The following EPHB1 variants were observed in gnomAD, a reference collection of about 807,000 sequenced individuals.
EPHB1 encodes ephrin type-B receptor 1.
In EPHB1, 30 loss-of-function variants were observed where a neutral mutation model predicts 94.4. That is an observed-to-expected ratio of 0.32 (90% CI 0.24 to 0.43). EPHB1 has a LOEUF of 0.43. Among genes scored for constraint, EPHB1 ranks in the 20% least tolerant of loss-of-function variants. EPHB1 has a pLI of 1.00. For synonymous variants in EPHB1, 522 were observed against 489.1 expected, an observed-to-expected ratio of 1.07 and a Z score of -0.89; for missense variants, 1,055 against 1,308.3, an observed-to-expected ratio of 0.81 and a Z score of 2.99.
chr3:135,173,528 G>T (rs1184454391), intron 9 of EPHB1, among the ~76,000 whole-genome samples: 3 of 152,162 alleles, frequency 2.0e-5, no homozygotes, highest in African/African-American at 7.2e-5. Flanking sequence ...CCTGTCCTGG[G>T]TTCTTCCTCA....
Position 135,259,228 on chromosome 3 carries a change from G to C in EPHB1, c.*108G>C. The C allele has an allele frequency of 3.6e-6, 3 of 823,350 alleles. No homozygotes were observed. The highest frequency in any genetic ancestry group is 5.8e-6 in the Non-Finnish European group (3 of 520,892). The allele number at this position is 823,350 out of a possible 1,614,324, so 51.0% of individuals were successfully genotyped here. A position where few individuals can be genotyped will look rare whatever the true frequency, so the allele number is the denominator to read the frequency against. ...TGGAGAGACTGGCTTCTCAGCTGAG[G>C]AATGCATTTCCATCAGTGAAGAATC... is the stretch of plus-strand genomic sequence containing the variant. On this transcript the variant is annotated 3_prime_UTR_variant, in exon 16 of 16. Coordinates refer to ENST00000398015, the MANE Select transcript of EPHB1 (RefSeq NM_004441.5).
chr3:134,814,460 A>C (rs6793917), intron 1 of EPHB1, among the ~76,000 whole-genome samples: 92,821 of 151,990 alleles, frequency 0.61, 30,420 homozygotes, highest in East Asian at 0.78. Flanking sequence ...TCGGTGATGT[A>C]GGAGGTCAGG....
intron 13 of EPHB1, among the ~76,000 whole-genome samples, chr3:135,243,074 C>CA (rs397933477): frequency 0.15 from 14,841 of 98,084 alleles, 1,260 homozygotes; most frequent in Non-Finnish European, 0.21. Flanking sequence ...GACCCTGTCT[C>CA]AAAAAAAAAA....
chr3:135,127,480 A>G (rs200589793), intron 4 of EPHB1, among the ~76,000 whole-genome samples: 1 of 152,032 alleles, frequency 6.6e-6, no homozygotes, highest in East Asian at 1.9e-4. Context: ...CAGGACACAG[A>G]CCCTGGCTTC....
rs556183181 is a variant in EPHB1, at chr3:134,841,273, G to A, written c.58+45584G>A. 2.0e-3 allele frequency among the ~76,000 whole-genome samples: 303 copies of A among 152,280 alleles called. 1 individual carries two copies. Among genetic ancestry groups the A allele is most frequent in the African/African-American group, 6.7e-3 (280 of 41,560 alleles). Reference sequence around the variant, plus strand: ...TAGGTTAGATGCTCTGCCTGTCCCAGCCATGTTCAGACCCAGCCAGGAAGC... The same window carrying A: ...TAGGTTAGATGCTCTGCCTGTCCCAACCATGTTCAGACCCAGCCAGGAAGC... On this transcript the variant is annotated intron_variant, in intron 1 of 15. Transcript: ENST00000398015.
At chr3:134,868,785 C>T (rs1168089196) in intron 1 of EPHB1, among the ~76,000 whole-genome samples, 3 of 152,380 alleles carry the variant, frequency 2.0e-5, no homozygotes, top group African/African-American at 7.2e-5. Context: ...ATATGATACA[C>T]TTGTGGCTTA....
intron 2 of EPHB1, among the ~76,000 whole-genome samples, chr3:134,943,235 T>A (rs577292160): frequency 7.2e-5 from 11 of 152,226 alleles, no homozygotes; most frequent in African/African-American, 2.6e-4. Context: ...TCAGTTCAGA[T>A]GGGATGAGGG....
chr3:134,832,835 G>T lies in EPHB1; in HGVS notation c.58+37146G>T, dbSNP rs116586741. 6.0e-3 allele frequency among the ~76,000 whole-genome samples: 919 copies of T among 152,334 alleles called. 10 individuals carry two copies. The highest frequency in any genetic ancestry group is 0.032 in the South Asian group (155 of 4,834). ...GAAACTTTCTGCTGTCATAATCAGAGAACCACAAATAATTGAAAAGGAGAC... is the reference window on the plus strand; with the variant it reads ...GAAACTTTCTGCTGTCATAATCAGATAACCACAAATAATTGAAAAGGAGAC... On this transcript the variant is annotated intron_variant, in intron 1 of 15. Coordinates refer to ENST00000398015, the MANE Select transcript of EPHB1 (RefSeq NM_004441.5).
At position 134,909,112 on chromosome 3, in the gene EPHB1, G is replaced by GC. The variant is rs527679026; in HGVS notation, c.59-16704_59-16703insC. On this transcript the variant is annotated intron_variant, in intron 1 of 15. Transcript: ENST00000398015. ...TCAGAGAACAGTACACACAAGGTGG[G>GC]GGCGGGGGGCGGGCTGGAAGAAAAG... Among the ~76,000 whole-genome samples the GC allele has an allele frequency of 6.1e-3, 697 of 114,032 alleles. 12 individuals carry two copies. The highest frequency in any genetic ancestry group is 0.022 in the African/African-American group (638 of 29,624). 74.8% of individuals were successfully genotyped at this position (114,032 alleles called of 152,430 possible).
chr3:135,058,677 T>C (rs1937410892), intron 3 of EPHB1, among the ~76,000 whole-genome samples: 1 of 152,206 alleles, frequency 6.6e-6, no homozygotes, highest in Non-Finnish European at 1.5e-5. Context: ...GCTTTACCTG[T>C]TCCTTCAACA....
Position 134,925,831 on chromosome 3 carries a change from C to G in EPHB1, c.74C>G (p.Thr25Ser). ...TAATCTACAGAAACGTTAATGGACACCAGAACGGCTACTGCAGAGCTGGGC... is the reference window on the plus strand; with the variant it reads ...TAATCTACAGAAACGTTAATGGACAGCAGAACGGCTACTGCAGAGCTGGGC... ...VAAMEETLMD[T>S]RTATAELGWT... is the part of the protein sequence containing the mutation. Residue 25 changes from threonine (T) to serine (S), a missense_variant, in exon 2 of 16, where the codon ACC becomes AGC. Physicochemically the swap from Thr to Ser is moderately conservative, Grantham distance 58. Transcript: ENST00000398015. 6.2e-7 allele frequency: 1 copy of G among 1,602,798 alleles called. No homozygotes were observed. Among genetic ancestry groups the G allele is most frequent in the Non-Finnish European group, 8.5e-7 (1 of 1,174,236 alleles).
chr3:134,908,069 T>G (rs1378147947), intron 1 of EPHB1, among the ~76,000 whole-genome samples: 1 of 152,236 alleles, frequency 6.6e-6, no homozygotes, highest in East Asian at 1.9e-4. Flanking sequence ...ATTCAGTCAC[T>G]CATGGGCTTG....
chr3:135,226,194 A>G (rs769930028), intron 12 of EPHB1, among the ~76,000 whole-genome samples: 14 of 152,192 alleles, frequency 9.2e-5, no homozygotes, highest in South Asian at 2.1e-4. Context: ...TACGGCTTGC[A>G]TGCTGCTCTT....
chr3:135,250,303 A>G (rs1933017802), intron 15 of EPHB1, among the ~76,000 whole-genome samples: 1 of 152,138 alleles, frequency 6.6e-6, no homozygotes, highest in Non-Finnish European at 1.5e-5. Flanking sequence ...GTAGTCTGGG[A>G]AATATTTATC....
At chr3:135,072,046 C>A (rs115633060) in intron 3 of EPHB1, among the ~76,000 whole-genome samples, 2,081 of 152,202 alleles carry the variant, frequency 0.014, 52 homozygotes, top group African/African-American at 0.047. Context: ...CTTCTACAGA[C>A]CACTCCACAC....
intron 3 of EPHB1, among the ~76,000 whole-genome samples, chr3:135,008,692 G>T (rs527386537): frequency 6.6e-6 from 1 of 152,326 alleles, no homozygotes; most frequent in South Asian, 2.1e-4. Flanking sequence ...AGGGTGTCTC[G>T]TTGTGCTCTG....
At position 135,132,732 on chromosome 3, in the gene EPHB1, G is replaced by T. The variant is rs747682274; in HGVS notation, c.980G>T (p.Arg327Leu). 23 of 1,596,254 alleles carry T rather than the reference G, an allele frequency of 1.4e-5. No individual in the cohort carries two copies. The highest frequency in any genetic ancestry group is 1.9e-5 in the Non-Finnish European group (22 of 1,167,392). ...CCTGCAGGCGTCCCATCAGGTCCCC[G>T]CAATGTTATCTCCATCGTCAATGAG... Reference protein sequence around the residue: ...VACTSVPSGPRNVISIVNETS... With the variant: ...VACTSVPSGPLNVISIVNETS... The change falls in exon 5 of 16, where the codon CGC becomes CTC. Residue 327 changes from arginine to leucine, a missense_variant. Transcript: ENST00000398015.
intron 12 of EPHB1, among the ~76,000 whole-genome samples, chr3:135,204,393 A>T (rs368758663): frequency 1.1e-4 from 16 of 151,814 alleles, no homozygotes; most frequent in African/African-American, 3.4e-4. Flanking sequence ...TTCAGTAGAG[A>T]TGGGTTTTCG....
intron 15 of EPHB1, among the ~76,000 whole-genome samples, chr3:135,252,423 A>T (rs868540056): frequency 1.3e-4 from 17 of 129,202 alleles, no homozygotes; most frequent in Middle Eastern, 4.5e-3. Flanking sequence ...TGTCCATGTG[A>T]TCTCATTGTT....
Sources: gnomAD v4.1 joint callset for allele counts (sites outside exome capture counted in the v4.1 genomes callset) on GRCh38, gnomAD v4.1.1 for gene constraint, MANE v1.5 for transcripts, NCBI Gene and HGNC (gene_info 2026-07-23, HGNC 2026-07-21) for gene names.